Variants in NUP188 observed in about 807,000 individuals in gnomAD.
NUP188 encodes the protein nucleoporin 188, also known as nucleoporin NUP188.
Under a neutral mutation model 223.0 loss-of-function variants are expected in NUP188, and 97 were observed. The ratio of observed to expected loss-of-function variants is 0.43; its 90% CI spans 0.37 to 0.51. The LOEUF is 0.51. Ranked by LOEUF, NUP188 falls within the 20% of genes least tolerant of loss-of-function variation. NUP188 has a pLI of 0.00. For missense variants in NUP188, 1,947 were observed against 2,175.6 expected, an observed-to-expected ratio of 0.89 and a Z score of 2.09; for synonymous variants, 869 against 828.0, an observed-to-expected ratio of 1.05 and a Z score of -0.85.
chr9:128,981,675 C>G (rs1404580366), intron 15 of NUP188, among the ~76,000 whole-genome samples: 1 of 152,192 alleles, frequency 6.6e-6, no homozygotes, highest in African/African-American at 2.4e-5. Flanking sequence ...TCACCACTGA[C>G]TTCTCCAGTC....
chr9:128,976,143 G>T (rs1291836311), intron 12 of NUP188, among the ~76,000 whole-genome samples: 1 of 152,022 alleles, frequency 6.6e-6, no homozygotes, highest in African/African-American at 2.4e-5. Context: ...GTTGCTTTCT[G>T]GTACAAGATG....
chr9:128,966,128 C>CGTGTGTGTGT (rs34851120), intron 8 of NUP188, among the ~76,000 whole-genome samples: 5 of 136,752 alleles, frequency 3.7e-5, no homozygotes, highest in African/African-American at 5.5e-5. Context: ...TTTCTGCCTC[C>CGTGTGTGTGT]GTGTGTGTGT....
chr9:128,966,242 CTCTG>C (rs1196052573), intron 8 of NUP188, among the ~76,000 whole-genome samples: 17 of 130,438 alleles, frequency 1.3e-4, no homozygotes, highest in Admixed American at 1.7e-4. Flanking sequence ...GGATTTCTGT[CTCTG>C]TCTGTCTCTG....
At chr9:128,966,353 C>G (rs777536994) in intron 8 of NUP188, among the ~76,000 whole-genome samples, 11 of 150,550 alleles carry the variant, frequency 7.3e-5, no homozygotes, top group Non-Finnish European at 1.3e-4. Flanking sequence ...ATTTAATGTC[C>G]AAATATTGGA....
intron 12 of NUP188, among the ~76,000 whole-genome samples, chr9:128,976,602 C>G (rs1038105705): frequency 2.0e-5 from 3 of 151,296 alleles, no homozygotes; most frequent in Non-Finnish European, 4.4e-5. Context: ...ACCCGGGGGG[C>G]GGAGGTTGCA....
intron 8 of NUP188, among the ~76,000 whole-genome samples, chr9:128,959,780 TC>T (rs1373553646): frequency 6.6e-6 from 1 of 152,096 alleles, no homozygotes; most frequent in African/African-American, 2.4e-5. Context: ...CCTCAGGTGA[TC>T]CACCTGCTTT....
intron 30 of NUP188, among the ~76,000 whole-genome samples, chr9:128,997,231 G>A (rs1433120982): frequency 6.6e-6 from 1 of 152,136 alleles, no homozygotes; most frequent in Non-Finnish European, 1.5e-5. Context: ...GTGGAAAAGA[G>A]CTTGATATGT....
At chr9:128,950,537 G>A (rs1588266056) in intron 2 of NUP188, among the ~76,000 whole-genome samples, 1 of 151,370 alleles carries the variant, frequency 6.6e-6, no homozygotes, top group African/African-American at 2.4e-5. Context: ...CTTTTTTTTT[G>A]TTCCTAAAAC....
chr9:128,989,496 T>A (rs1365653528), intron 24 of NUP188, among the ~76,000 whole-genome samples: 1 of 151,596 alleles, frequency 6.6e-6, no homozygotes, highest in African/African-American at 2.4e-5. Context: ...GTCAGGAGTT[T>A]GAGACCAGCC....
chr9:128,962,341 C>A (rs74914022), intron 8 of NUP188, among the ~76,000 whole-genome samples: 4,964 of 151,468 alleles, frequency 0.033, 275 homozygotes, highest in African/African-American at 0.11. Context: ...CTCCACCTCT[C>A]GGGTTCACGC....
chr9:129,006,177 G>C (rs894386270), intron 42 of NUP188, 54 bp downstream of exon 42: 1 of 1,614,032 alleles, frequency 6.2e-7, no homozygotes, highest in African/African-American at 1.3e-5. Context: ...TGGGCCCACT[G>C]TTCTCAAGCT....
At position 128,999,328 on chromosome 9, in the gene NUP188, G is replaced by C; in HGVS notation, c.3661+11G>C. The C allele has an allele frequency of 6.2e-7, 1 of 1,612,360 alleles. No individual in the cohort carries two copies. Among genetic ancestry groups the C allele is most frequent in the Non-Finnish European group, 8.5e-7 (1 of 1,178,576 alleles). ...TGAAGGAGATGAAAGGTGAGGGGCA[G>C]AGGCAGGGGGAGCAGCAGCTGCAGT... On this transcript the variant is annotated intron_variant, in intron 33 of 43. Coordinates refer to ENST00000372577, the MANE Select transcript of NUP188 (RefSeq NM_015354.3).
At chr9:128,991,261 T>C (rs1842424535) in intron 25 of NUP188, among the ~76,000 whole-genome samples, 1 of 151,266 alleles carries the variant, frequency 6.6e-6, no homozygotes, top group Non-Finnish European at 1.5e-5. Context: ...AAGTATCGGC[T>C]GGGCGCTGTG....
chr9:128,971,148 T>C (rs1008659287), intron 11 of NUP188, among the ~76,000 whole-genome samples, 190 bp downstream of exon 11: 3 of 152,210 alleles, frequency 2.0e-5, no homozygotes, highest in South Asian at 2.1e-4. Flanking sequence ...GTAACACTTC[T>C]TCGTGTTAAA....
chr9:128,983,144 G>GTTTTCCTGT (rs2131167241), intron 17 of NUP188, 116 bp downstream of exon 17: 1 of 1,464,162 alleles, frequency 6.8e-7, no homozygotes, highest in East Asian at 2.3e-5. Context: ...ATATTCCTTG[G>GTTTTCCTGT]TTTTCCTGTT....
chr9:128,987,660 A>G lies in NUP188; in HGVS notation c.2336A>G (p.Asn779Ser). The G allele has an allele frequency of 1.9e-6, 3 of 1,614,100 alleles. No homozygotes were observed. Among genetic ancestry groups the G allele is most frequent in the East Asian group, 2.2e-5 (1 of 44,878 alleles). Reference protein sequence around the residue: ...AYTEAGQTVINIMGIGVDTID... With the variant: ...AYTEAGQTVISIMGIGVDTID... Reference sequence around the variant, plus strand: ...ACAGAAGCAGGACAGACAGTTATCAATATCATGGGCATTGGCGTGGACACC... The same window carrying G: ...ACAGAAGCAGGACAGACAGTTATCAGTATCATGGGCATTGGCGTGGACACC... Residue 779 changes from asparagine (N) to serine (S), a missense_variant, in exon 23 of 44, where the codon AAT becomes AGT. By Grantham distance (46) the Asn-to-Ser change is conservative. Transcript: ENST00000372577.
chr9:128,951,263 C>T (rs908657316), intron 2 of NUP188, among the ~76,000 whole-genome samples: 1 of 147,726 alleles, frequency 6.8e-6, no homozygotes, highest in South Asian at 2.1e-4. Context: ...GTCGAGATCG[C>T]GCAACTGTAC....
intron 12 of NUP188, among the ~76,000 whole-genome samples, chr9:128,974,389 G>GTTTTTT (rs778841218): frequency 1.1e-4 from 12 of 113,328 alleles, no homozygotes; most frequent in East Asian, 7.5e-4. Context: ...GCAGGTTGTT[G>GTTTTTT]TTTTTTTTTT....
At chr9:128,952,937 T>C (rs765937124) in intron 3 of NUP188, 91 bp downstream of exon 3, 39 of 1,004,540 alleles carry the variant, frequency 3.9e-5, no homozygotes, top group Non-Finnish European at 6.0e-5. Context: ...GATGATATTG[T>C]AGGGTTATGT....
Sources: allele counts gnomAD v4.1 joint callset (sites outside exome capture counted in the v4.1 genomes callset), GRCh38; gene constraint gnomAD v4.1.1; transcripts MANE v1.5; gene names NCBI Gene and HGNC (gene_info 2026-07-23, HGNC 2026-07-21).